AKAP11: variants seen among roughly 807,000 people sequenced by gnomAD.
AKAP11 encodes A-kinase anchoring protein 11, also known as A-kinase anchor protein 11.
Under a neutral mutation model 146.1 loss-of-function variants are expected in AKAP11, and 36 were observed. That is an observed-to-expected ratio of 0.25 (90% CI 0.19 to 0.33). The LOEUF is 0.33. Among genes scored for constraint, AKAP11 ranks in the 10% least tolerant of loss-of-function variants. The pLI, the probability that AKAP11 is intolerant of heterozygous loss-of-function variation, is 1.00. For missense variants in AKAP11, 2,201 were observed against 2,197.0 expected, an observed-to-expected ratio of 1.00 and a Z score of -0.04; for synonymous variants, 780 against 786.5, an observed-to-expected ratio of 0.99 and a Z score of 0.14.
At position 42,302,759 on chromosome 13, in the gene AKAP11, G is replaced by T. The variant is rs755181662; in HGVS notation, c.4013G>T (p.Cys1338Phe). The change falls in exon 8 of 13, where the codon TGT becomes TTT. Residue 1338 changes from cysteine (C) to phenylalanine (F), a missense_variant. Coordinates refer to ENST00000025301, the MANE Select transcript of AKAP11 (RefSeq NM_016248.4). ...MSGLMYKYPS[C>F]ESVTDEYAGH... ...GGTCTGATGTATAAGTATCCCAGCT[G>T]TGAAAGTGTGACAGATGAATATGCA... The T allele has an allele frequency of 4.3e-6, 7 of 1,614,134 alleles. No homozygotes were observed. In the Admixed American group the frequency reaches 1.0e-4, roughly 23 times the overall value.
rs780515470 is a variant in AKAP11 at position 42,308,628 on chromosome 13, A to G, written c.5273+19A>G. The G allele has an allele frequency of 6.3e-6, 10 of 1,595,128 alleles. No individual in the cohort carries two copies. The highest frequency in any genetic ancestry group is 1.3e-5 in the African/African-American group (1 of 74,706). On this transcript the variant is annotated intron_variant, in intron 9 of 12. Transcript: ENST00000025301. ...GTGAAAGGTAACTACACTTTTGCAT[A>G]TAATTGTGTAGTTTAGGTCCTCAGA...
At chr13:42,312,549 G>T (rs1199189665) in intron 9 of AKAP11, among the ~76,000 whole-genome samples, 1 of 152,166 alleles carries the variant, frequency 6.6e-6, no homozygotes, top group Non-Finnish European at 1.5e-5. Flanking sequence ...GAAAAGGTCT[G>T]TTTGGGACTA....
At position 42,299,719 on chromosome 13, in the gene AKAP11, T is replaced by C. The variant is rs780347392; in HGVS notation, c.973T>C (p.Tyr325His). Residue 325 changes from tyrosine (Y) to histidine (H), a missense_variant, in exon 8 of 13, where the codon TAT becomes CAT. Tyr to His is a moderately conservative substitution (Grantham distance 83, BLOSUM62 2). This residue lies in a region of AKAP11 where 1,867 missense variants were observed against 1,833.5 expected (regional missense o/e 1.02). Coordinates refer to ENST00000025301, the MANE Select transcript of AKAP11 (RefSeq NM_016248.4). Reference sequence around the variant, plus strand: ...TGTTATTTTCTTGGATGAAGAGGGATATCAAAAAAGCTTAAAAGCAAAACT... The same window carrying C: ...TGTTATTTTCTTGGATGAAGAGGGACATCAAAAAAGCTTAAAAGCAAAACT... ...SPVIFLDEEG[Y>H]QKSLKAKLEL... is the part of the protein sequence containing the mutation. 6.2e-7 allele frequency: 1 copy of C among 1,613,930 alleles called. No homozygotes were observed. The highest frequency in any genetic ancestry group is 8.5e-7 in the Non-Finnish European group (1 of 1,179,882).
chr13:42,282,480 G>C (rs1414401418), intron 1 of AKAP11, among the ~76,000 whole-genome samples: 1 of 151,774 alleles, frequency 6.6e-6, no homozygotes, highest in Non-Finnish European at 1.5e-5. Context: ...TGTGAATTTT[G>C]TGCAAGTATA....
intron 11 of AKAP11, among the ~76,000 whole-genome samples, chr13:42,314,774 A>G (rs1325254224): frequency 6.6e-6 from 1 of 152,080 alleles, no homozygotes; most frequent in African/African-American, 2.4e-5. Context: ...GCATACACAT[A>G]TTTGAAGAAA....
At chr13:42,271,511 T>C (rs1958767249), upstream of AKAP11, among the ~76,000 whole-genome samples, 1 of 152,182 alleles carries the variant, frequency 6.6e-6, no homozygotes, top group South Asian at 2.1e-4. Flanking sequence ...GGATGAGCCT[T>C]CCTTGGGCCT....
In AKAP11 at chr13:42,317,672, A is replaced by G. The variant is rs1050019967; in HGVS notation, c.5549A>G (p.Asn1850Ser). ...VAELYFHDSANKEFMLLSKQL... is the reference protein window; with the variant it reads ...VAELYFHDSASKEFMLLSKQL... ...GAACTTTATTTTCATGACTCTGCAA[A>G]TAAGGAGTTTATGCTAGTAAGTACC... Residue 1850 changes from asparagine (N) to serine (S), a missense_variant, in exon 12 of 13, where the codon AAT (asparagine) becomes AGT (serine). Transcript: ENST00000025301. 3 of 1,613,862 alleles carry G rather than the reference A, an allele frequency of 1.9e-6. No homozygotes were observed. The highest frequency in any genetic ancestry group is 2.5e-6 in the Non-Finnish European group (3 of 1,179,956).
At position 42,302,240 on chromosome 13, in the gene AKAP11, A is replaced by G. The variant is rs780800442; in HGVS notation, c.3494A>G (p.Lys1165Arg). ...NTIEKEEFML[K>R]LMRSLSEEVE... ...ATAGAAAAAGAAGAGTTCATGTTGA[A>G]ACTCATGCGATCTCTTTCTGAAGAA... is the stretch of plus-strand genomic sequence containing the variant. The change falls in exon 8 of 13, where the codon AAA becomes AGA. Residue 1165 changes from lysine to arginine, a missense_variant. Transcript: ENST00000025301. 3.1e-6 allele frequency: 5 copies of G among 1,614,204 alleles called. No individual in the cohort carries two copies. The Admixed American group carries it at 6.7e-5, about 22-fold the overall frequency.
intron 6 of AKAP11, 31 bp downstream of exon 6, chr13:42,297,213 T>A (rs747593295): frequency 2.9e-6 from 4 of 1,383,560 alleles, no homozygotes; most frequent in Admixed American, 2.7e-5. Context: ...CTAATGAGAT[T>A]TTTAGGGCAA....
At chr13:42,296,769 G>A (rs1014059054) in intron 5 of AKAP11, among the ~76,000 whole-genome samples, 1 of 151,972 alleles carries the variant, frequency 6.6e-6, no homozygotes, top group African/African-American at 2.4e-5. Context: ...ATGCTTAATT[G>A]TCATGGATGT....
At chr13:42,297,336 C>T (rs1959576528) in intron 6 of AKAP11, among the ~76,000 whole-genome samples, 154 bp downstream of exon 6, 1 of 151,680 alleles carries the variant, frequency 6.6e-6, no homozygotes, top group Non-Finnish European at 1.5e-5. Flanking sequence ...ACTCATGAAG[C>T]ATTGACATCC....
chr13:42,313,006 T>G (rs553201398), intron 9 of AKAP11, 41 bp from the exon 10 acceptor site: 2 of 1,544,960 alleles, frequency 1.3e-6, no homozygotes, highest in Non-Finnish European at 8.9e-7. Context: ...TTTCTACTAT[T>G]CATTTTCTAG....
upstream of AKAP11, among the ~76,000 whole-genome samples, chr13:42,271,693 G>A (rs78282117): frequency 4.1e-3 from 630 of 152,290 alleles, 14 homozygotes; most frequent in East Asian, 0.047. Context: ...AAGGCCTGGG[G>A]ACTTGCCAGA....
intron 4 of AKAP11, 32 bp from the exon 5 acceptor site, chr13:42,295,663 A>C: frequency 6.2e-7 from 1 of 1,603,546 alleles, no homozygotes; most frequent in East Asian, 2.2e-5. Context: ...TAAAAATTCA[A>C]ATTAATGGAG....
rs894764733 is a variant in AKAP11 at position 42,321,753 on chromosome 13, G to C, written c.*2525G>C. ...AACTGTCTTATTTTATTACAAATTG[G>C]CTTGACATATTTATACTGTAACATT... On this transcript the variant is annotated 3_prime_UTR_variant, in exon 13 of 13. Transcript: ENST00000025301. The C allele has an allele frequency of 3.3e-5, 5 of 152,188 alleles. No individual in the cohort carries two copies. The highest frequency in any genetic ancestry group is 4.8e-5 in the African/African-American group (2 of 41,416). The allele number at this position is 152,188 out of a possible 1,614,324, so 9.4% of individuals were successfully genotyped here.
chr13:42,278,303 AAAAC>A (rs1438357061), intron 1 of AKAP11, among the ~76,000 whole-genome samples: 2 of 152,250 alleles, frequency 1.3e-5, no homozygotes, highest in Non-Finnish European at 2.9e-5. Flanking sequence ...GTTGTTTTGA[AAAAC>A]AAAATAGTAT....
At chr13:42,317,434 A>T in intron 11 of AKAP11, 94 bp from the exon 12 acceptor site, 1 of 1,316,500 alleles carries the variant, frequency 7.6e-7, no homozygotes, top group Non-Finnish European at 1.0e-6. Flanking sequence ...TTAGAATCCT[A>T]AGAACCAGAA....
chr13:42,289,556 G>A (rs1472596338), intron 3 of AKAP11, among the ~76,000 whole-genome samples: 2 of 152,066 alleles, frequency 1.3e-5, no homozygotes, highest in African/African-American at 4.8e-5. Flanking sequence ...TTTTGTCTCA[G>A]GCTCATAACT....
In AKAP11 at chr13:42,286,418, G is replaced by C; in HGVS notation, c.51+19G>C. On this transcript the variant is annotated intron_variant, in intron 3 of 12. Coordinates refer to ENST00000025301, the MANE Select transcript of AKAP11 (RefSeq NM_016248.4). ...CAGAAAAGTAAGTTCACTCTATTAGGTTTCTTTTAGTGAAAGTTTTAATTA... is the reference window on the plus strand; with the variant it reads ...CAGAAAAGTAAGTTCACTCTATTAGCTTTCTTTTAGTGAAAGTTTTAATTA... The C allele has an allele frequency of 1.9e-6, 3 of 1,554,354 alleles. No homozygotes were observed. Among genetic ancestry groups the C allele is most frequent in the Non-Finnish European group, 2.6e-6 (3 of 1,147,524 alleles).
Sources: allele counts gnomAD v4.1 joint callset (sites outside exome capture counted in the v4.1 genomes callset), GRCh38; gene constraint gnomAD v4.1.1; regional missense constraint gnomAD v4.1.1; transcripts MANE v1.5; gene names NCBI Gene and HGNC (gene_info 2026-07-23, HGNC 2026-07-21).